The following ZFHX3 variants were observed in gnomAD, a reference collection of about 807,000 sequenced individuals.
ZFHX3 encodes zinc finger homeobox 3, also known as zinc finger homeobox protein 3.
In ZFHX3, 42 loss-of-function variants were observed where a neutral mutation model predicts 279.1. The ratio of observed to expected loss-of-function variants is 0.15; its 90% CI spans 0.12 to 0.19. The LOEUF (loss-of-function observed/expected upper bound fraction) is 0.19. ZFHX3 is among the 10% of genes least tolerant of loss of function. The pLI is 1.00. For synonymous variants in ZFHX3, 2,293 were observed against 1,957.8 expected (o/e 1.17, Z -4.52); for missense variants, 4,981 against 4,754.0 (o/e 1.05, Z -1.40).
At chr16:73,714,048 G>A (rs770474532) in intron 1 of ZFHX3, among the ~76,000 whole-genome samples, 1 of 151,992 alleles carries the variant, frequency 6.6e-6, no homozygotes, top group South Asian at 2.1e-4. Flanking sequence ...TCTGACCCGC[G>A]GCACACTGGG....
At chr16:73,634,461 T>TATATATATATAA (rs1567538532) in intron 2 of ZFHX3, among the ~76,000 whole-genome samples, 1 of 140,982 alleles carries the variant, frequency 7.1e-6, no homozygotes, top group African/African-American at 2.8e-5. Flanking sequence ...TATATATATA[T>TATATATATATAA]AAAATATATA....
rs147158291 is a variant in ZFHX3, at chr16:73,850,256, T to C, written c.-1608+41395A>G. ...TTAACCCACATGCTGTTGGGCAGGT[T>C]GGTTAAGCCTTAGTTTCCTCAACTA... On this transcript the variant is annotated intron_variant, in intron 1 of 17. Coordinates refer to the ZFHX3 transcript ENST00000641206. Among the ~76,000 whole-genome samples, 15 of 152,348 alleles carry C rather than the reference T, an allele frequency of 9.8e-5. 1 individual carries two copies. Among genetic ancestry groups the C allele is most frequent in the Admixed American group, 3.9e-4 (6 of 15,304 alleles).
intron 3 of ZFHX3, among the ~76,000 whole-genome samples, chr16:72,903,629 C>T (rs531019903): frequency 5.3e-5 from 8 of 152,020 alleles, no homozygotes; most frequent in Non-Finnish European, 1.0e-4. Context: ...GCAAGGCCCC[C>T]GGGAAAAATA....
chr16:73,519,566 T>G lies in ZFHX3; in HGVS notation c.-1546-63308A>C, dbSNP rs529978429. On this transcript the variant is annotated intron_variant, in intron 2 of 17. Coordinates refer to the ZFHX3 transcript ENST00000641206. ...TGATTGGAATTTCTTTCCGTCCCATTTTCTACCTCCCAAAGGAGACCACCG... is the reference window on the plus strand; with the variant it reads ...TGATTGGAATTTCTTTCCGTCCCATGTTCTACCTCCCAAAGGAGACCACCG... 2.6e-5 allele frequency among the ~76,000 whole-genome samples: 4 copies of G among 152,250 alleles called. No homozygotes were observed. The East Asian group carries it at 7.7e-4, about 29-fold the overall frequency.
intron 4 of ZFHX3, among the ~76,000 whole-genome samples, chr16:73,262,591 A>G (rs2013856315): frequency 6.6e-6 from 1 of 152,218 alleles, no homozygotes; most frequent in Non-Finnish European, 1.5e-5. Flanking sequence ...TTGAGGAGAC[A>G]AAGTGGTTGC....
At chr16:73,022,544 G>A (rs1964338343) in intron 1 of ZFHX3, among the ~76,000 whole-genome samples, 1 of 152,170 alleles carries the variant, frequency 6.6e-6, no homozygotes, top group Non-Finnish European at 1.5e-5. Context: ...GATGCCAGTA[G>A]CATCCTCTCC....
upstream of ZFHX3, among the ~76,000 whole-genome samples, chr16:73,052,007 G>A (rs1445277721): frequency 1.3e-5 from 2 of 152,092 alleles, no homozygotes; most frequent in Non-Finnish European, 2.9e-5. Context: ...AGAGAGAGGC[G>A]CTTTGTTTGG....
At chr16:73,890,574 T>C (rs74331189) in intron 1 of ZFHX3, among the ~76,000 whole-genome samples, 2,157 of 152,306 alleles carry the variant, frequency 0.014, 62 homozygotes, top group African/African-American at 0.05. Flanking sequence ...ATAAAAATAT[T>C]TTTAATCTGG....
At chr16:73,490,814 A>G (rs913119405) in intron 2 of ZFHX3, among the ~76,000 whole-genome samples, 2 of 152,164 alleles carry the variant, frequency 1.3e-5, no homozygotes, top group Admixed American at 6.6e-5. Context: ...TCCAGCCTGG[A>G]CAACAGAACA....
chr16:73,251,715 A>C (rs1239217793), intron 5 of ZFHX3, among the ~76,000 whole-genome samples: 1 of 127,820 alleles, frequency 7.8e-6, no homozygotes, highest in Admixed American at 7.7e-5. Context: ...ACACACATAC[A>C]CACCACACAC....
intron 3 of ZFHX3, among the ~76,000 whole-genome samples, chr16:73,424,007 A>G (rs35757722): frequency 0.37 from 56,871 of 152,066 alleles, 11,825 homozygotes; most frequent in Non-Finnish European, 0.48. Flanking sequence ...CTAACACATC[A>G]AGGAGAGCAC....
chr16:73,349,833 C>T (rs1303282053), intron 3 of ZFHX3, among the ~76,000 whole-genome samples: 1 of 143,906 alleles, frequency 6.9e-6, no homozygotes, highest in Non-Finnish European at 1.5e-5. Flanking sequence ...CCCTTTCTCC[C>T]TTCCTTCCTT....
At chr16:73,783,483 G>A (rs1185385261) in intron 1 of ZFHX3, among the ~76,000 whole-genome samples, 1 of 152,212 alleles carries the variant, frequency 6.6e-6, no homozygotes, top group African/African-American at 2.4e-5. Flanking sequence ...AAGAATGGGA[G>A]TTTAAGGTGG....
At chr16:73,063,592 G>A (rs1320670842), upstream of ZFHX3, among the ~76,000 whole-genome samples, 1 of 152,124 alleles carries the variant, frequency 6.6e-6, no homozygotes, top group Non-Finnish European at 1.5e-5. Flanking sequence ...GAGTAGCTGA[G>A]TCTGAGTAAA....
At chr16:72,804,141 A>G (rs1282368266) in intron 7 of ZFHX3, among the ~76,000 whole-genome samples, 1 of 152,264 alleles carries the variant, frequency 6.6e-6, no homozygotes, top group Non-Finnish European at 1.5e-5. Context: ...ATTTTCATAT[A>G]TAATAGAAAC....
At chr16:73,745,893 CA>C (rs34014417) in intron 1 of ZFHX3, among the ~76,000 whole-genome samples, 6,355 of 152,124 alleles carry the variant, frequency 0.042, 266 homozygotes, top group African/African-American at 0.11. Flanking sequence ...AGATCCAAAC[CA>C]AAAATTTAGT....
intron 1 of ZFHX3, among the ~76,000 whole-genome samples, chr16:73,720,579 C>T (rs1268554263): frequency 2.0e-5 from 3 of 152,076 alleles, no homozygotes; most frequent in African/African-American, 7.2e-5. Context: ...AATTTTATGG[C>T]ACGGCCTCAA....
At chr16:73,289,600 T>C (rs2014717507) in intron 4 of ZFHX3, among the ~76,000 whole-genome samples, 1 of 152,002 alleles carries the variant, frequency 6.6e-6, no homozygotes, top group Admixed American at 6.6e-5. Context: ...ATCCAAGCCA[T>C]GTCCCCAGGG....
intron 7 of ZFHX3, among the ~76,000 whole-genome samples, chr16:73,129,666 C>CACGCCTGTGTGCATGTGTG: frequency 1.3e-5 from 2 of 151,216 alleles, no homozygotes; most frequent in Non-Finnish European, 3.0e-5. Flanking sequence ...GTATGTGTGC[C>CACGCCTGTGTGCATGTGTG]CACGCCTGTG....
Sources: allele counts gnomAD v4.1 joint callset (sites outside exome capture counted in the v4.1 genomes callset), GRCh38; gene constraint gnomAD v4.1.1; transcripts MANE v1.5; gene names NCBI Gene and HGNC (gene_info 2026-07-23, HGNC 2026-07-21).